The following PARP8 variants were observed in gnomAD, a reference collection of about 807,000 sequenced individuals.
The protein encoded by PARP8 is protein mono-ADP-ribosyltransferase PARP8.
PARP8 carries 51 observed loss-of-function variants against 124.1 expected under a neutral mutation model. The ratio of observed to expected loss-of-function variants is 0.41; its 90% CI spans 0.33 to 0.52. PARP8 has a LOEUF of 0.52. PARP8 is among the 20% of genes least tolerant of loss of function. The pLI is 0.21. For synonymous variants in PARP8, 391 were observed against 361.5 expected, an observed-to-expected ratio of 1.08 and a Z score of -0.93; for missense variants, 860 against 1,018.9, an observed-to-expected ratio of 0.84 and a Z score of 2.12.
rs372532151 is a variant in PARP8, at chr5:50,668,140, A to G, written c.146+15A>G. On this transcript the variant is annotated intron_variant, in intron 2 of 25. Coordinates refer to ENST00000281631, the MANE Select transcript of PARP8 (RefSeq NM_024615.4). ...GGCCCCAGAAGGTATTTATGTGTATAGAGTTGCTTCATTTCCTGTTCACAC... is the reference window on the plus strand; with the variant it reads ...GGCCCCAGAAGGTATTTATGTGTATGGAGTTGCTTCATTTCCTGTTCACAC... The G allele has an allele frequency of 1.3e-6, 2 of 1,585,806 alleles. No homozygotes were observed. Among genetic ancestry groups the G allele is most frequent in the Non-Finnish European group, 1.7e-6 (2 of 1,157,042 alleles).
intron 2 of PARP8, among the ~76,000 whole-genome samples, chr5:50,669,982 T>G (rs1749817113): frequency 6.6e-6 from 1 of 152,230 alleles, no homozygotes; most frequent in Non-Finnish European, 1.5e-5. Context: ...TCTCAAAAGC[T>G]TGTTCTAAAA....
At position 50,756,507 on chromosome 5, in the gene PARP8, A is replaced by G. The variant is rs114430009; in HGVS notation, c.185-3136A>G. ...CAAAAAGCCAACAGAATGGATTCAT[A>G]CAGATGGGATGATCATCAAAGATCA... is the stretch of plus-strand genomic sequence containing the variant. On this transcript the variant is annotated intron_variant, in intron 3 of 25. Coordinates refer to ENST00000281631, the MANE Select transcript of PARP8 (RefSeq NM_024615.4). Among the ~76,000 whole-genome samples the G allele has an allele frequency of 1.7e-3, 266 of 152,320 alleles. 1 individual carries two copies. The highest frequency in any genetic ancestry group is 5.6e-3 in the African/African-American group (233 of 41,580).
At chr5:50,686,796 A>C (rs1282373409) in intron 2 of PARP8, among the ~76,000 whole-genome samples, 1 of 152,180 alleles carries the variant, frequency 6.6e-6, no homozygotes, top group Non-Finnish European at 1.5e-5. Context: ...AGCCTGAGCT[A>C]TACCTTGGGT....
chr5:50,721,105 TAGG>T (rs1755834154), intron 2 of PARP8, among the ~76,000 whole-genome samples: 1 of 151,802 alleles, frequency 6.6e-6, no homozygotes, highest in Non-Finnish European at 1.5e-5. Context: ...TTACCTTCCT[TAGG>T]GGGTGTGTAT....
intron 21 of PARP8, 97 bp downstream of exon 21, chr5:50,828,481 G>A (rs1373798755): frequency 5.7e-6 from 6 of 1,055,526 alleles, no homozygotes; most frequent in Non-Finnish European, 7.2e-6. Flanking sequence ...AAAAGAGGAA[G>A]CATGTGAGTA....
chr5:50,788,546 A>G lies in PARP8; in HGVS notation c.694A>G (p.Ile232Val). The change falls in exon 10 of 26, where the codon ATT (isoleucine) becomes GTT (valine). Residue 232 changes from isoleucine (I) to valine (V), a missense_variant. Physicochemically the swap from Ile to Val is conservative, Grantham distance 29. Coordinates refer to ENST00000281631, the MANE Select transcript of PARP8 (RefSeq NM_024615.4). Reference protein sequence around the residue: ...GPVPTVDVFQISTKERFGLGH... With the variant: ...GPVPTVDVFQVSTKERFGLGH... ...AGTGCCCACTGTTGATGTCTTTCAG[A>G]TTTCCACAAAAGAGCGATTTGGATT... is the stretch of plus-strand genomic sequence containing the variant. 1 of 1,613,428 alleles carries G rather than the reference A, an allele frequency of 6.2e-7. No individual in the cohort carries two copies. Among genetic ancestry groups the G allele is most frequent in the Non-Finnish European group, 8.5e-7 (1 of 1,179,702 alleles).
At chr5:50,766,707 G>T (rs1761091829) in intron 7 of PARP8, among the ~76,000 whole-genome samples, 1 of 152,082 alleles carries the variant, frequency 6.6e-6, no homozygotes, top group African/African-American at 2.4e-5. Flanking sequence ...GTCAACTGTT[G>T]TGACTATTTC....
At position 50,709,922 on chromosome 5, in the gene PARP8, GTATATATATATATATATATA is replaced by G. The variant is rs200521595; in HGVS notation, c.147-40214_147-40195del. ...TATGAGAATATGAGGTAGAAAGAGT[GTATATATATATATATATATA>G]TATATATATATATACACATACATAT... On this transcript the variant is annotated intron_variant, in intron 2 of 25. Transcript: ENST00000281631. Among the ~76,000 whole-genome samples the G allele has an allele frequency of 1.4e-3, 128 of 93,930 alleles. 2 individuals are homozygous for G. Among genetic ancestry groups the G allele is most frequent in the Admixed American group, 2.1e-3 (18 of 8,682 alleles). The allele number at this position is 93,930 out of a possible 152,430, so 61.6% of individuals were successfully genotyped here. A position where few individuals can be genotyped will look rare whatever the true frequency, so the allele number is the denominator to read the frequency against.
intron 7 of PARP8, among the ~76,000 whole-genome samples, chr5:50,774,868 C>T (rs1475161932): frequency 6.8e-6 from 1 of 147,282 alleles, no homozygotes; most frequent in Non-Finnish European, 1.5e-5. Flanking sequence ...CAGAGACGCT[C>T]CTCACATCCC....
intron 2 of PARP8, among the ~76,000 whole-genome samples, chr5:50,690,591 C>T (rs573645335): frequency 6.6e-6 from 1 of 152,286 alleles, no homozygotes; most frequent in African/African-American, 2.4e-5. Context: ...TGTGTTCCAT[C>T]ATTTGCCAAT....
chr5:50,674,452 T>C (rs1750386081), intron 2 of PARP8, among the ~76,000 whole-genome samples: 1 of 152,244 alleles, frequency 6.6e-6, no homozygotes, highest in Non-Finnish European at 1.5e-5. Context: ...CTTAGATCAA[T>C]CGCCTTAACC....
rs532754253 is a variant in PARP8 at position 50,794,276 on chromosome 5, A to G, written c.807A>G (p.Lys269=). The change falls in exon 11 of 26, where the codon AAA becomes AAG. Residue 269 remains lysine, a synonymous_variant. Coordinates refer to ENST00000281631, the MANE Select transcript of PARP8 (RefSeq NM_024615.4). ...SKEKSNCLHN[K]KLSEKKVKSP... is the part of the protein sequence containing the mutation. ...AAAAATCCAATTGCCTGCACAATAA[A>G]AAGTTGTCAGAGAAGAAAGTGAAGT... is the stretch of plus-strand genomic sequence containing the variant. The G allele has an allele frequency of 3.9e-5, 63 of 1,613,712 alleles. No individual in the cohort carries two copies. In the South Asian group the frequency reaches 6.2e-4, roughly 16 times the overall value.
At chr5:50,782,692 A>G (rs967883116) in intron 9 of PARP8, among the ~76,000 whole-genome samples, 4 of 152,198 alleles carry the variant, frequency 2.6e-5, no homozygotes, top group African/African-American at 9.7e-5. Context: ...AAGCAGATGA[A>G]CTGCCCAATC....
At chr5:50,667,969 GCC>G in intron 1 of PARP8, 100 bp from the exon 2 acceptor site, 1 of 1,600,390 alleles carries the variant, frequency 6.2e-7, no homozygotes, top group Non-Finnish European at 8.5e-7. Flanking sequence ...CTTCTGCCCG[GCC>G]AGGCCTCCCC....
chr5:50,692,830 C>CCA (rs1752643167), intron 2 of PARP8, among the ~76,000 whole-genome samples: 1 of 152,136 alleles, frequency 6.6e-6, no homozygotes, highest in Non-Finnish European at 1.5e-5. Flanking sequence ...TGATCTGTTA[C>CCA]AGCACTTAAA....
Position 50,751,529 on chromosome 5 carries a change from G to T in PARP8, c.184+1341G>T, listed in dbSNP as rs982871864. Among the ~76,000 whole-genome samples the T allele has an allele frequency of 1.5e-4, 23 of 152,080 alleles. 1 individual carries two copies. Among genetic ancestry groups the T allele is most frequent in the Middle Eastern group, 3.4e-3 (1 of 294 alleles). On this transcript the variant is annotated intron_variant, in intron 3 of 25. Transcript: ENST00000281631. Reference sequence around the variant, plus strand: ...TTAGTGCATTCTGGTTTAAATACCGGGGCAGAATTTTCAGTTGGCTGATGT... The same window carrying T: ...TTAGTGCATTCTGGTTTAAATACCGTGGCAGAATTTTCAGTTGGCTGATGT...
chr5:50,753,824 G>T (rs1231982291), intron 3 of PARP8, among the ~76,000 whole-genome samples: 1 of 151,686 alleles, frequency 6.6e-6, no homozygotes, highest in Non-Finnish European at 1.5e-5. Context: ...CTTAAATGGT[G>T]CTGTATTTGG....
At chr5:50,754,144 T>C (rs113826910) in intron 3 of PARP8, among the ~76,000 whole-genome samples, 4 of 18,376 alleles carry the variant, frequency 2.2e-4, no homozygotes, top group South Asian at 1.8e-3. Context: ...TATATATATA[T>C]ATATATACAC....
At chr5:50,741,872 C>T (rs746737399) in intron 2 of PARP8, 13 of 439,232 alleles carry the variant, frequency 3.0e-5, no homozygotes, top group South Asian at 1.1e-4. Flanking sequence ...TGCAATAGCG[C>T]GATCTCAGCT....
Sources: allele counts gnomAD v4.1 joint callset (sites outside exome capture counted in the v4.1 genomes callset), GRCh38; gene constraint gnomAD v4.1.1; transcripts MANE v1.5; gene names NCBI Gene and HGNC (gene_info 2026-07-23, HGNC 2026-07-21).